HMG20A: variants seen among roughly 807,000 people sequenced by gnomAD.
HMG20A encodes high mobility group 20A, also known as high mobility group protein 20A.
Under a neutral mutation model 43.9 loss-of-function variants are expected in HMG20A, and 17 were observed. That is an observed-to-expected ratio of 0.39 (90% CI 0.27 to 0.58). The LOEUF (loss-of-function observed/expected upper bound fraction) is 0.58. HMG20A is among the 20% of genes least tolerant of loss of function. The pLI, the probability that HMG20A is intolerant of heterozygous loss-of-function variation, is 0.59. For missense variants in HMG20A, 341 were observed against 438.2 expected (o/e 0.78, Z 1.98); for synonymous variants, 132 against 147.5 (o/e 0.89, Z 0.76).
intron 4 of HMG20A, among the ~76,000 whole-genome samples, chr15:77,467,724 T>C (rs1429164040): frequency 6.6e-6 from 1 of 152,214 alleles, no homozygotes; most frequent in African/African-American, 2.4e-5. Context: ...GCTTTAATAC[T>C]TTTTTTAACT....
At chr15:77,436,253 G>T (rs1453045001) in intron 1 of HMG20A, among the ~76,000 whole-genome samples, 2 of 151,842 alleles carry the variant, frequency 1.3e-5, no homozygotes, top group African/African-American at 4.8e-5. Context: ...CCCCTTACCC[G>T]TTCAACACAC....
intron 1 of HMG20A, among the ~76,000 whole-genome samples, chr15:77,428,984 G>A (rs1595910503): frequency 6.6e-6 from 1 of 151,742 alleles, no homozygotes; most frequent in East Asian, 1.9e-4. Flanking sequence ...AAAAGGAGGG[G>A]GGAGCCTCTA....
intron 1 of HMG20A, among the ~76,000 whole-genome samples, chr15:77,451,796 A>G (rs193116557): frequency 8.4e-4 from 128 of 152,308 alleles, no homozygotes; most frequent in African/African-American, 2.9e-3. Flanking sequence ...GGTGTCTGCA[A>G]TTTTATATAC....
At chr15:77,474,695 A>C (rs1321505020) in intron 6 of HMG20A, among the ~76,000 whole-genome samples, 1 of 152,202 alleles carries the variant, frequency 6.6e-6, no homozygotes, top group South Asian at 2.1e-4. Context: ...GGTACTGGAG[A>C]GGGCATATTA....
At chr15:77,432,421 A>C (rs919463994) in intron 1 of HMG20A, among the ~76,000 whole-genome samples, 15 of 152,176 alleles carry the variant, frequency 9.9e-5, no homozygotes, top group African/African-American at 3.4e-4. Context: ...GAAATCAATG[A>C]AATAGAAAAC....
intron 2 of HMG20A, among the ~76,000 whole-genome samples, chr15:77,459,720 A>G (rs1213537477): frequency 6.6e-6 from 1 of 152,208 alleles, no homozygotes; most frequent in African/African-American, 2.4e-5. Context: ...CAGTGTGACT[A>G]GAGCAGCACA....
At chr15:77,498,918 G>A in the HMG20A span, among the ~76,000 whole-genome samples, 1 of 152,168 alleles carries the variant, frequency 6.6e-6, no homozygotes, top group Non-Finnish European at 1.5e-5. Flanking sequence ...TCACCATGCT[G>A]TTGTGATTTT....
At chr15:77,449,392 G>A (rs1335563223) in intron 1 of HMG20A, among the ~76,000 whole-genome samples, 2 of 152,086 alleles carry the variant, frequency 1.3e-5, no homozygotes, top group African/African-American at 2.4e-5. Context: ...TGCCTGGCAG[G>A]ATTAGCCAGT....
the HMG20A span, among the ~76,000 whole-genome samples, chr15:77,510,732 T>C: frequency 6.6e-6 from 1 of 152,170 alleles, no homozygotes. Flanking sequence ...GTGTGGAGGC[T>C]GAGCAGACTG....
At chr15:77,493,556 A>C in the HMG20A span, among the ~76,000 whole-genome samples, 1 of 152,232 alleles carries the variant, frequency 6.6e-6, no homozygotes, top group South Asian at 2.1e-4. Flanking sequence ...TTGTGGTTTT[A>C]AAAACTTATT....
chr15:77,465,030 C>T (rs2072741997), intron 3 of HMG20A, among the ~76,000 whole-genome samples: 1 of 151,776 alleles, frequency 6.6e-6, no homozygotes, highest in Non-Finnish European at 1.5e-5. Context: ...GATGCCAAGG[C>T]AGGTGGATTA....
At chr15:77,493,973 T>G in the HMG20A span, among the ~76,000 whole-genome samples, 1 of 152,186 alleles carries the variant, frequency 6.6e-6, no homozygotes, top group Non-Finnish European at 1.5e-5. Context: ...GGGCCTGGAC[T>G]TGGAATGACT....
At chr15:77,465,614 C>T (rs896625225) in intron 3 of HMG20A, among the ~76,000 whole-genome samples, 3 of 151,946 alleles carry the variant, frequency 2.0e-5, no homozygotes, top group Non-Finnish European at 4.4e-5. Flanking sequence ...AGGCTGGTCT[C>T]GAAATTCTGA....
At chr15:77,487,013 A>G (rs1239367945), downstream of HMG20A, among the ~76,000 whole-genome samples, 3 of 152,298 alleles carry the variant, frequency 2.0e-5, no homozygotes, top group East Asian at 3.9e-4. Flanking sequence ...CTGTTCCACA[A>G]CATGATCTTT....
downstream of HMG20A, among the ~76,000 whole-genome samples, chr15:77,487,838 T>C (rs1338492293): frequency 6.6e-6 from 1 of 152,234 alleles, no homozygotes. Flanking sequence ...CACTCAAATA[T>C]ATACTTCAGT....
At chr15:77,480,611 CAAAA>C (rs1261742792) in intron 9 of HMG20A, among the ~76,000 whole-genome samples, 4 of 69,518 alleles carry the variant, frequency 5.8e-5, no homozygotes, top group Non-Finnish European at 1.2e-4. Flanking sequence ...GATTCTGTCT[CAAAA>C]AAAAAAAAAA....
chr15:77,443,391 T>G lies in HMG20A; in HGVS notation c.-4-15013T>G, dbSNP rs1249043027. Among the ~76,000 whole-genome samples, 410 of 144,500 alleles carry G rather than the reference T, an allele frequency of 2.8e-3. 2 individuals carry two copies. Among genetic ancestry groups the G allele is most frequent in the African/African-American group, 0.01 (390 of 38,754 alleles). The allele number at this position is 144,500 out of a possible 152,430, so 94.8% of individuals were successfully genotyped here. ...TGATGATGATGATGATTATTATTATTATTATTATTATTATTATTAAGTTAG... is the reference window on the plus strand; with the variant it reads ...TGATGATGATGATGATTATTATTATGATTATTATTATTATTATTAAGTTAG... On this transcript the variant is annotated intron_variant, in intron 1 of 9. Coordinates refer to ENST00000336216, the MANE Select transcript of HMG20A (RefSeq NM_001304504.2).
the HMG20A span, among the ~76,000 whole-genome samples, chr15:77,506,073 C>CA: frequency 0.082 from 5,649 of 69,090 alleles, 266 homozygotes; most frequent in African/African-American, 0.17. Context: ...GTAGAGTTAG[C>CA]AAAAAAAAAA....
the HMG20A span, among the ~76,000 whole-genome samples, chr15:77,495,415 G>A: frequency 2.0e-5 from 3 of 152,192 alleles, no homozygotes; most frequent in African/African-American, 7.2e-5. Flanking sequence ...GGGTGTGGTG[G>A]CACATGCCTT....
Sources: allele counts gnomAD v4.1 joint callset (sites outside exome capture counted in the v4.1 genomes callset), GRCh38; gene constraint gnomAD v4.1.1; transcripts MANE v1.5; gene names NCBI Gene and HGNC (gene_info 2026-07-23, HGNC 2026-07-21).